KAZN: variants seen among roughly 807,000 people sequenced by gnomAD.
KAZN encodes kazrin.
Under a neutral mutation model 87.4 loss-of-function variants are expected in KAZN, and 40 were observed. The observed-to-expected ratio is 0.46, with a 90% CI of 0.36 to 0.60. The LOEUF is 0.60. Ranked by LOEUF, KAZN falls within the 20% of genes least tolerant of loss-of-function variation. The pLI is 0.00. For synonymous variants in KAZN, 466 were observed against 458.3 expected, an observed-to-expected ratio of 1.02 and a Z score of -0.22; for missense variants, 898 against 1,073.9, an observed-to-expected ratio of 0.84 and a Z score of 2.29.
intron 1 of KAZN, among the ~76,000 whole-genome samples, chr1:14,071,339 G>T (rs538256507): frequency 1.2e-4 from 19 of 152,288 alleles, no homozygotes; most frequent in African/African-American, 2.6e-4. Context: ...AGTCTGGGGG[G>T]ACTGTTTGGC....
chr1:14,177,113 G>A (rs1646094122), intron 1 of KAZN, among the ~76,000 whole-genome samples: 1 of 151,976 alleles, frequency 6.6e-6, no homozygotes, highest in Non-Finnish European at 1.5e-5. Context: ...AGCTGAGATC[G>A]AGCCACTGCA....
At chr1:14,425,841 T>TG (rs916382633) in intron 2 of KAZN, among the ~76,000 whole-genome samples, 1 of 152,136 alleles carries the variant, frequency 6.6e-6, no homozygotes, top group Non-Finnish European at 1.5e-5. Flanking sequence ...ACCTGGCTAG[T>TG]GGGGGTGGAA....
chr1:14,755,302 T>G (rs937161239), intron 1 of KAZN, among the ~76,000 whole-genome samples: 1 of 152,072 alleles, frequency 6.6e-6, no homozygotes, highest in Admixed American at 6.6e-5. Flanking sequence ...TTGCCATGCT[T>G]GTCCCTAAAT....
chr1:14,398,257 C>T (rs1571521622), intron 2 of KAZN, among the ~76,000 whole-genome samples: 1 of 152,214 alleles, frequency 6.6e-6, no homozygotes, highest in African/African-American at 2.4e-5. Context: ...ATACTCTTTT[C>T]CTACAAACGA....
rs1656384955 is a variant in KAZN at position 14,905,232 on chromosome 1, T to C, written c.227-55452T>C. On this transcript the variant is annotated intron_variant, in intron 1 of 14. Coordinates refer to ENST00000376030, the MANE Select transcript of KAZN (RefSeq NM_201628.3). ...CACCACATGCTTGGCTAATGTTTTGTATTTTGAGTAGAAATGGGGTTTCAC... is the reference window on the plus strand; with the variant it reads ...CACCACATGCTTGGCTAATGTTTTGCATTTTGAGTAGAAATGGGGTTTCAC... Among the ~76,000 whole-genome samples, 9 of 152,218 alleles carry C rather than the reference T, an allele frequency of 5.9e-5. 1 individual carries two copies. The South Asian group carries it at 1.9e-3, about 31-fold the overall frequency.
At chr1:13,950,207 TC>T (rs149367240) in intron 1 of KAZN, among the ~76,000 whole-genome samples, 13,222 of 152,166 alleles carry the variant, frequency 0.087, 675 homozygotes, top group Middle Eastern at 0.15. Context: ...TTTTTCTCTG[TC>T]CCCGCCTCCT....
At chr1:14,855,430 A>T (rs1649978851) in intron 1 of KAZN, among the ~76,000 whole-genome samples, 1 of 152,062 alleles carries the variant, frequency 6.6e-6, no homozygotes, top group Admixed American at 6.6e-5. Context: ...ACCAACACAC[A>T]TCTGACTCCA....
At chr1:14,652,693 C>G (rs1324510119) in intron 1 of KAZN, among the ~76,000 whole-genome samples, 1 of 105,228 alleles carries the variant, frequency 9.5e-6, no homozygotes, top group African/African-American at 3.5e-5. Flanking sequence ...ACCCATCCAT[C>G]TACCTATCCA....
chr1:14,002,550 T>G (rs113497399), intron 1 of KAZN, among the ~76,000 whole-genome samples: 1,625 of 152,334 alleles, frequency 0.011, 38 homozygotes, highest in African/African-American at 0.038. Context: ...GCAAGTCCAG[T>G]TAAACCTCTT....
intron 2 of KAZN, among the ~76,000 whole-genome samples, chr1:14,436,276 G>A (rs1223004333): frequency 6.6e-6 from 1 of 151,962 alleles, no homozygotes; most frequent in African/African-American, 2.4e-5. Flanking sequence ...AGGATTAGAT[G>A]ACCTACCCAC....
Position 14,200,859 on chromosome 1 carries a change from T to A in KAZN, c.249+20267T>A, listed in dbSNP as rs1646624842. Among the ~76,000 whole-genome samples, 3 of 152,064 alleles carry A rather than the reference T, an allele frequency of 2.0e-5. No homozygotes were observed. The South Asian group carries it at 6.2e-4, about 32-fold the overall frequency. Reference sequence around the variant, plus strand: ...AGAGTCTTGGTTACTTTTTTTTTTTTAATTTAATGATAATTTTTTGAAAGA... The same window carrying A: ...AGAGTCTTGGTTACTTTTTTTTTTTAAATTTAATGATAATTTTTTGAAAGA... On this transcript the variant is annotated intron_variant, in intron 2 of 16. Transcript: ENST00000636203.
intron 1 of KAZN, among the ~76,000 whole-genome samples, chr1:14,080,766 A>T (rs1460406388): frequency 6.6e-6 from 1 of 152,234 alleles, no homozygotes; most frequent in Non-Finnish European, 1.5e-5. Flanking sequence ...TAGGCCCAGC[A>T]CATAGCCAGC....
intron 2 of KAZN, among the ~76,000 whole-genome samples, chr1:14,403,434 T>G (rs564490775): frequency 3.7e-4 from 56 of 152,258 alleles, no homozygotes; most frequent in Non-Finnish European, 5.9e-4. Context: ...AACATTAATA[T>G]TTGGTTCATT....
intron 1 of KAZN, among the ~76,000 whole-genome samples, chr1:14,739,276 T>C (rs2100419731): frequency 6.6e-6 from 1 of 152,264 alleles, no homozygotes; most frequent in East Asian, 1.9e-4. Flanking sequence ...TCACAAATGG[T>C]TTCCATTGTC....
At chr1:14,796,627 T>C (rs771021613) in intron 1 of KAZN, among the ~76,000 whole-genome samples, 1 of 152,252 alleles carries the variant, frequency 6.6e-6, no homozygotes, top group Admixed American at 6.5e-5. Context: ...CAGCTCTATG[T>C]ATCGCCGTAT....
chr1:14,540,919 TCCTGTC>T (rs1672773407), intron 2 of KAZN, among the ~76,000 whole-genome samples: 1 of 152,164 alleles, frequency 6.6e-6, no homozygotes, highest in Non-Finnish European at 1.5e-5. Flanking sequence ...GGTTTTTCAG[TCCTGTC>T]CCTTCTTCAT....
At chr1:14,037,608 T>C (rs1641616529) in intron 1 of KAZN, among the ~76,000 whole-genome samples, 1 of 152,182 alleles carries the variant, frequency 6.6e-6, no homozygotes, top group South Asian at 2.1e-4. Flanking sequence ...GATTTAGAAG[T>C]ATCTGTTCCT....
chr1:14,487,270 T>C (rs1364968618), intron 2 of KAZN, among the ~76,000 whole-genome samples: 1 of 152,360 alleles, frequency 6.6e-6, no homozygotes, highest in African/African-American at 2.4e-5. Flanking sequence ...AAGTTTTCCA[T>C]ATAGCTAACT....
intron 2 of KAZN, among the ~76,000 whole-genome samples, chr1:14,360,639 TTTTC>T (rs1431902649): frequency 6.6e-6 from 1 of 152,010 alleles, no homozygotes; most frequent in Admixed American, 6.6e-5. Flanking sequence ...TGGATGTCCT[TTTTC>T]TTTGGTGTTA....
Sources: gnomAD v4.1 joint callset for allele counts (sites outside exome capture counted in the v4.1 genomes callset) on GRCh38, gnomAD v4.1.1 for gene constraint, MANE v1.5 for transcripts, NCBI Gene and HGNC (gene_info 2026-07-23, HGNC 2026-07-21) for gene names.